The following CAMTA1 variants were observed in gnomAD, a reference collection of about 807,000 sequenced individuals.
The protein encoded by CAMTA1 is calmodulin binding transcription activator 1.
A neutral mutation model predicts 170.9 loss-of-function variants in CAMTA1; 27 were observed. The ratio of observed to expected loss-of-function variants is 0.16; its 90% CI spans 0.12 to 0.22. The LOEUF is 0.22. Ranked by LOEUF, CAMTA1 falls within the 10% of genes least tolerant of loss-of-function variation. CAMTA1 has a pLI of 1.00. For missense variants in CAMTA1, 1,619 were observed against 2,217.2 expected, an observed-to-expected ratio of 0.73 and a Z score of 5.42; for synonymous variants, 833 against 891.5, an observed-to-expected ratio of 0.93 and a Z score of 1.17.
intron 3 of CAMTA1, among the ~76,000 whole-genome samples, chr1:6,948,840 CA>C (rs1473215747): frequency 1.3e-5 from 2 of 152,178 alleles, no homozygotes; most frequent in Non-Finnish European, 2.9e-5. Context: ...CCTCGGACCA[CA>C]AGGCCTGAGG....
chr1:7,330,509 A>T (rs79929460), intron 5 of CAMTA1, among the ~76,000 whole-genome samples: 3,834 of 152,228 alleles, frequency 0.025, 65 homozygotes, highest in Admixed American at 0.04. Context: ...GAGGCCAGAG[A>T]TGAGGAACCA....
intron 3 of CAMTA1, among the ~76,000 whole-genome samples, chr1:6,896,597 C>T (rs546330294): frequency 5.3e-5 from 8 of 152,240 alleles, no homozygotes; most frequent in Admixed American, 2.0e-4. Context: ...AACATCCAAG[C>T]GTTCAGGAGG....
At chr1:6,871,944 A>G (rs1205398354) in intron 3 of CAMTA1, 1 of 1,333,996 alleles carries the variant, frequency 7.5e-7, no homozygotes, top group Non-Finnish European at 9.6e-7. Flanking sequence ...TCAAATAGAG[A>G]TACCCCTTTG....
Position 6,976,770 on chromosome 1 carries a change from G to A in CAMTA1, c.235-114534G>A, listed in dbSNP as rs528258996. ...AGCAAGCACAGGGTGATATGGTTTC[G>A]CTGTGTCCCCACCCAAATCTCATCT... On this transcript the variant is annotated intron_variant, in intron 3 of 22. Transcript: ENST00000303635. 1.2e-4 allele frequency among the ~76,000 whole-genome samples: 19 copies of A among 152,308 alleles called. No individual in the cohort carries two copies. In the East Asian group the frequency reaches 2.3e-3, roughly 19 times the overall value.
chr1:7,405,199 G>T (rs2090199328), intron 5 of CAMTA1, among the ~76,000 whole-genome samples: 1 of 152,164 alleles, frequency 6.6e-6, no homozygotes, highest in African/African-American at 2.4e-5. Context: ...CTCAATAATG[G>T]AGTCAGATAT....
At chr1:7,648,985 G>T in intron 7 of CAMTA1, among the ~76,000 whole-genome samples, 1 of 152,234 alleles carries the variant, frequency 6.6e-6, no homozygotes, top group East Asian at 1.9e-4. Flanking sequence ...GTGCGAGGAG[G>T]GCAGGCGTTG....
At chr1:7,741,097 A>T (rs1463841438) in intron 16 of CAMTA1, among the ~76,000 whole-genome samples, 1 of 152,216 alleles carries the variant, frequency 6.6e-6, no homozygotes, top group African/African-American at 2.4e-5. Flanking sequence ...AAGACGAATA[A>T]TGTTTAAACT....
At chr1:7,476,825 A>G (rs1311021232) in intron 6 of CAMTA1, among the ~76,000 whole-genome samples, 1 of 152,198 alleles carries the variant, frequency 6.6e-6, no homozygotes, top group East Asian at 1.9e-4. Context: ...CACCAGTAGC[A>G]ATAACAACAG....
chr1:6,924,529 C>G (rs554091783), intron 3 of CAMTA1, among the ~76,000 whole-genome samples: 104 of 152,300 alleles, frequency 6.8e-4, no homozygotes, highest in African/African-American at 2.5e-3. Context: ...TGGCTTCTCC[C>G]TCTTTCACCC....
At chr1:6,915,991 G>T (rs1680697932) in intron 3 of CAMTA1, among the ~76,000 whole-genome samples, 1 of 152,170 alleles carries the variant, frequency 6.6e-6, no homozygotes, top group South Asian at 2.1e-4. Context: ...TGGGTCCCTG[G>T]CACTTGGAGT....
chr1:7,759,545 G>A (rs1166032265), intron 22 of CAMTA1, among the ~76,000 whole-genome samples: 2 of 152,044 alleles, frequency 1.3e-5, no homozygotes, highest in African/African-American at 4.8e-5. Context: ...TTTTGTCTTG[G>A]ACACAATAGC....
At chr1:7,567,206 T>G (rs2095054072) in intron 6 of CAMTA1, among the ~76,000 whole-genome samples, 1 of 152,124 alleles carries the variant, frequency 6.6e-6, no homozygotes, top group Non-Finnish European at 1.5e-5. Context: ...AAGGGGCCCA[T>G]GGTGGCAGCG....
chr1:6,877,101 CG>C lies in CAMTA1; in HGVS notation c.234+51893del, dbSNP rs1351751177. On this transcript the variant is annotated intron_variant, in intron 3 of 22. Coordinates refer to ENST00000303635, the MANE Select transcript of CAMTA1 (RefSeq NM_015215.4). ...CTTAGCTGAGTGAGAGTTGGGATGG[CG>C]GAGAGCAGAGGCAATGTGACCGCAT... is the stretch of plus-strand genomic sequence containing the variant. 6.6e-5 allele frequency among the ~76,000 whole-genome samples: 10 copies of C among 152,242 alleles called. No individual in the cohort carries two copies. In the South Asian group the frequency reaches 1.2e-3, roughly 19 times the overall value.
chr1:7,122,549 G>A (rs1370545369), intron 4 of CAMTA1, among the ~76,000 whole-genome samples: 3 of 152,146 alleles, frequency 2.0e-5, no homozygotes, highest in South Asian at 2.1e-4. Context: ...CAGGCACTTC[G>A]GGTGCCGTTC....
chr1:7,567,330 G>T lies in CAMTA1; in HGVS notation c.511-73070G>T, dbSNP rs74055142. Among the ~76,000 whole-genome samples the T allele has an allele frequency of 4.1e-3, 624 of 152,334 alleles. 6 individuals are homozygous for T. Among genetic ancestry groups the T allele is most frequent in the African/African-American group, 0.014 (572 of 41,578 alleles). The stretch of plus-strand genomic sequence containing the variant: ...AGGACTGCTCACAGGGACCCTGAAG[G>T]ACAGGGGAGGGCCAGCTGCAGGAGA... On this transcript the variant is annotated intron_variant, in intron 6 of 22. Coordinates refer to ENST00000303635, the MANE Select transcript of CAMTA1 (RefSeq NM_015215.4).
At chr1:6,785,620 G>T in intron 1 of CAMTA1, 45 bp downstream of exon 1, 1 of 986,554 alleles carries the variant, frequency 1.0e-6, no homozygotes, top group Non-Finnish European at 1.2e-6. Flanking sequence ...GCGGCGGGCG[G>T]CGGGACCCGG....
At chr1:7,464,266 T>C (rs1245302250) in intron 5 of CAMTA1, among the ~76,000 whole-genome samples, 1 of 152,122 alleles carries the variant, frequency 6.6e-6, no homozygotes, top group East Asian at 1.9e-4. Flanking sequence ...CACACGCGGA[T>C]TTATCCACGA....
chr1:7,560,564 C>T (rs1398742023), intron 6 of CAMTA1, among the ~76,000 whole-genome samples: 1 of 152,248 alleles, frequency 6.6e-6, no homozygotes, highest in Non-Finnish European at 1.5e-5. Flanking sequence ...AAGGCCTATG[C>T]ATCCAAAGCC....
intron 7 of CAMTA1, among the ~76,000 whole-genome samples, chr1:7,649,026 T>C (rs1399115583): frequency 6.6e-6 from 1 of 152,342 alleles, no homozygotes; most frequent in African/African-American, 2.4e-5. Flanking sequence ...GTAGCCACAC[T>C]CCCAGAGGAA....
Sources: gnomAD v4.1 joint callset for allele counts (sites outside exome capture counted in the v4.1 genomes callset) on GRCh38, gnomAD v4.1.1 for gene constraint, MANE v1.5 for transcripts, NCBI Gene and HGNC (gene_info 2026-07-23, HGNC 2026-07-21) for gene names.